EYS: variants seen among roughly 807,000 people sequenced by gnomAD.
EYS encodes protein eyes shut homolog.
A neutral mutation model predicts 282.1 loss-of-function variants in EYS; 250 were observed. That is an observed-to-expected ratio of 0.89 (90% confidence interval 0.80 to 0.98). EYS has a LOEUF of 0.98. Among genes scored for constraint, EYS ranks in the 50% least tolerant of loss-of-function variants. EYS has a pLI of 0.00. For missense variants in EYS, 4,016 were observed against 3,709.0 expected (o/e 1.08, Z -2.15); for synonymous variants, 1,355 against 1,282.9 (o/e 1.06, Z -1.20).
intron 5 of EYS, among the ~76,000 whole-genome samples, chr6:65,411,524 A>AT (rs1367631197): frequency 2.6e-5 from 4 of 152,030 alleles, no homozygotes; most frequent in Non-Finnish European, 1.5e-5. Context: ...GTTCTATGTC[A>AT]TTTCATCACA....
chr6:65,587,166 C>A (rs185772158), intron 2 of EYS, among the ~76,000 whole-genome samples: 81 of 152,082 alleles, frequency 5.3e-4, no homozygotes, highest in Non-Finnish European at 8.8e-4. Flanking sequence ...TAGTACAATC[C>A]TTGCTGCCAT....
At chr6:63,913,859 G>A (rs1764346472) in intron 35 of EYS, among the ~76,000 whole-genome samples, 2 of 151,980 alleles carry the variant, frequency 1.3e-5, no homozygotes, top group South Asian at 4.2e-4. Context: ...TTTTTTGAAG[G>A]TTTGTGGCAA....
intron 2 of EYS, among the ~76,000 whole-genome samples, chr6:65,581,050 C>T (rs1175156973): frequency 6.6e-6 from 1 of 152,036 alleles, no homozygotes; most frequent in Non-Finnish European, 1.5e-5. Context: ...GTGAATTTCT[C>T]ATAATGGATC....
intron 5 of EYS, among the ~76,000 whole-genome samples, chr6:65,445,505 T>G (rs1582305669): frequency 6.6e-6 from 1 of 151,928 alleles, no homozygotes; most frequent in Middle Eastern, 3.4e-3. Flanking sequence ...CTTGTTAAAC[T>G]TGTAGCCCTT....
At chr6:65,514,580 A>G (rs1237733953) in intron 2 of EYS, among the ~76,000 whole-genome samples, 3 of 152,216 alleles carry the variant, frequency 2.0e-5, no homozygotes, top group Non-Finnish European at 2.9e-5. Context: ...TGGTACTTGT[A>G]CCAAAACAGA....
chr6:65,065,987 G>C (rs1773733695), intron 12 of EYS, among the ~76,000 whole-genome samples: 1 of 152,050 alleles, frequency 6.6e-6, no homozygotes, highest in African/African-American at 2.4e-5. Context: ...TAAGCATATT[G>C]ACTGCCTTCA....
chr6:64,932,866 A>T (rs1768771578), intron 15 of EYS, among the ~76,000 whole-genome samples: 1 of 152,080 alleles, frequency 6.6e-6, no homozygotes, highest in Admixed American at 6.6e-5. Flanking sequence ...GGTAAAGAAC[A>T]ATCCCAGTGA....
chr6:65,651,236 T>G (rs1258729538), intron 1 of EYS, among the ~76,000 whole-genome samples: 1 of 151,922 alleles, frequency 6.6e-6, no homozygotes, highest in Non-Finnish European at 1.5e-5. Context: ...CCTTGCATGC[T>G]TTTACCTAAA....
intron 8 of EYS, among the ~76,000 whole-genome samples, chr6:65,374,258 C>A (rs1765269607): frequency 6.6e-6 from 1 of 152,082 alleles, no homozygotes; most frequent in Non-Finnish European, 1.5e-5. Flanking sequence ...CAGGGTGGGG[C>A]ATTGCCTCAC....
At chr6:65,504,073 A>C (rs1326493654) in intron 2 of EYS, among the ~76,000 whole-genome samples, 2 of 151,704 alleles carry the variant, frequency 1.3e-5, no homozygotes, top group African/African-American at 4.8e-5. Flanking sequence ...TGAGGCTCCC[A>C]ATCAATGAAC....
intron 22 of EYS, among the ~76,000 whole-genome samples, chr6:64,689,894 T>C (rs921924715): frequency 2.0e-5 from 3 of 152,086 alleles, no homozygotes; most frequent in Non-Finnish European, 4.4e-5. Context: ...ACCTAAGCAA[T>C]ACCATTCAGG....
At chr6:65,364,120 C>T (rs1764818965) in intron 8 of EYS, among the ~76,000 whole-genome samples, 1 of 149,168 alleles carries the variant, frequency 6.7e-6, no homozygotes, top group Admixed American at 7.4e-5. Flanking sequence ...TTAAATATCC[C>T]TTATATGTAA....
At chr6:64,128,149 A>G (rs960849989) in intron 31 of EYS, among the ~76,000 whole-genome samples, 1 of 152,168 alleles carries the variant, frequency 6.6e-6, no homozygotes, top group Non-Finnish European at 1.5e-5. Context: ...TGATGTGTAC[A>G]GAGCTTATTA....
chr6:64,096,455 TA>T (rs1772617882), intron 31 of EYS, among the ~76,000 whole-genome samples: 1 of 152,234 alleles, frequency 6.6e-6, no homozygotes, highest in Non-Finnish European at 1.5e-5. Flanking sequence ...CATTTCTTTT[TA>T]TTCTTTTTGC....
chr6:64,755,043 TA>T (rs771214361), intron 22 of EYS, among the ~76,000 whole-genome samples: 1 of 152,080 alleles, frequency 6.6e-6, no homozygotes, highest in Non-Finnish European at 1.5e-5. Context: ...TAGGAAACCC[TA>T]AAGATTACTC....
chr6:64,142,377 C>T (rs1375532674), intron 31 of EYS, among the ~76,000 whole-genome samples: 1 of 151,748 alleles, frequency 6.6e-6, no homozygotes, highest in Non-Finnish European at 1.5e-5. Flanking sequence ...CTTGACTTAG[C>T]CAGAAAAGTG....
intron 29 of EYS, among the ~76,000 whole-genome samples, chr6:64,371,555 C>T (rs942822069): frequency 6.6e-6 from 1 of 151,868 alleles, no homozygotes; most frequent in African/African-American, 2.4e-5. Context: ...AATTGAGATC[C>T]CAAATATCTT....
At chr6:65,550,148 T>TCAGA (rs1582444815) in intron 2 of EYS, among the ~76,000 whole-genome samples, 38 of 20,394 alleles carry the variant, frequency 1.9e-3, no homozygotes, top group South Asian at 9.1e-3. Flanking sequence ...TATATCTTTT[T>TCAGA]TTTTTTTTTT....
rs775688649 is a variant in EYS at position 64,388,761 on chromosome 6, G to C, written c.6007C>G (p.Leu2003Val). 14 of 1,545,176 alleles carry C rather than the reference G, an allele frequency of 9.1e-6. No homozygotes were observed. The highest frequency in any genetic ancestry group is 1.2e-5 in the Non-Finnish European group (14 of 1,143,768). ...CCTGATTTTGGCAGGGGTTTTCCGAGTACATGATTGATAGATTCGCATATT... is the reference window on the plus strand; with the variant it reads ...CCTGATTTTGGCAGGGGTTTTCCGACTACATGATTGATAGATTCGCATATT... ...TQICESINHV[L>V]GKPLPKSGSV... The change falls in exon 29 of 43, where the codon CTC becomes GTC. Residue 2003 changes from leucine to valine, a missense_variant. Transcript: ENST00000503581.
Sources: allele counts gnomAD v4.1 joint callset (sites outside exome capture counted in the v4.1 genomes callset), GRCh38; gene constraint gnomAD v4.1.1; transcripts MANE v1.5; gene names NCBI Gene and HGNC (gene_info 2026-07-23, HGNC 2026-07-21).